COL13A1: variants seen among roughly 807,000 people sequenced by gnomAD.
COL13A1 encodes the protein collagen alpha-1(XIII) chain.
In COL13A1, 89 loss-of-function variants were observed where a neutral mutation model predicts 130.9. That is an observed-to-expected ratio of 0.68 (90% CI 0.57 to 0.81). COL13A1 has a LOEUF of 0.81. Among genes scored for constraint, COL13A1 ranks in the 30% least tolerant of loss-of-function variants. The pLI is 0.00. For synonymous variants in COL13A1, 402 were observed against 341.6 expected (o/e 1.18, Z -1.95); for missense variants, 879 against 934.6 (o/e 0.94, Z 0.78).
chr10:69,942,747 G>T (rs558001276), intron 35 of COL13A1, among the ~76,000 whole-genome samples: 6 of 152,206 alleles, frequency 3.9e-5, no homozygotes, highest in African/African-American at 1.4e-4. Flanking sequence ...CCGACACTCG[G>T]CAAGGCTAAG....
intron 1 of COL13A1, among the ~76,000 whole-genome samples, chr10:69,811,178 C>T (rs1191984251): frequency 6.6e-6 from 1 of 152,230 alleles, no homozygotes; most frequent in Non-Finnish European, 1.5e-5. Context: ...CCAGGCATTT[C>T]CCTCTGCCCA....
chr10:69,842,723 C>T (rs953325809), intron 2 of COL13A1, among the ~76,000 whole-genome samples: 2 of 152,220 alleles, frequency 1.3e-5, no homozygotes, highest in East Asian at 1.9e-4. Flanking sequence ...ATGCTGGCCT[C>T]AGTGTGCTGT....
At chr10:69,878,482 C>G (rs968697716) in intron 6 of COL13A1, among the ~76,000 whole-genome samples, 1 of 149,510 alleles carries the variant, frequency 6.7e-6, no homozygotes, top group African/African-American at 2.5e-5. Flanking sequence ...CTGAGAGCAA[C>G]ACTTCTTTTT....
chr10:69,889,341 A>G, intron 9 of COL13A1, 73 bp from the exon 10 acceptor site: 1 of 1,473,458 alleles, frequency 6.8e-7, no homozygotes, highest in South Asian at 1.2e-5. Context: ...GGCAGGGAGG[A>G]GCATGAAGGA....
At chr10:69,866,890 C>T (rs970358529) in intron 2 of COL13A1, among the ~76,000 whole-genome samples, 2 of 152,164 alleles carry the variant, frequency 1.3e-5, no homozygotes, top group Non-Finnish European at 2.9e-5. Context: ...GCTGAGTTAA[C>T]GTGGCCAGGG....
intron 1 of COL13A1, 51 bp downstream of exon 1, chr10:69,802,768 C>T (rs1840378498): frequency 1.2e-6 from 2 of 1,602,846 alleles, no homozygotes; most frequent in Non-Finnish European, 1.7e-6. Context: ...CGCCCCCTCG[C>T]GCAGCCTCCA....
intron 7 of COL13A1, among the ~76,000 whole-genome samples, chr10:69,883,089 C>T (rs1358652322): frequency 6.6e-6 from 1 of 152,226 alleles, no homozygotes; most frequent in Non-Finnish European, 1.5e-5. Context: ...TAGGGGCCAC[C>T]TGCCTCCCCT....
At chr10:69,892,805 C>T (rs946771473) in intron 10 of COL13A1, among the ~76,000 whole-genome samples, 2 of 152,202 alleles carry the variant, frequency 1.3e-5, no homozygotes, top group Non-Finnish European at 2.9e-5. Context: ...TGCTTGCTCT[C>T]TTAAGTATTG....
chr10:69,928,439 A>G (rs1439572124), intron 27 of COL13A1, among the ~76,000 whole-genome samples: 1 of 152,188 alleles, frequency 6.6e-6, no homozygotes, highest in Non-Finnish European at 1.5e-5. Context: ...CTAGAGCTTC[A>G]TGTAAATGGA....
chr10:69,851,157 G>A (rs7101050), intron 2 of COL13A1, among the ~76,000 whole-genome samples: 5,386 of 152,276 alleles, frequency 0.035, 307 homozygotes, highest in African/African-American at 0.12. Flanking sequence ...GCATTCCTGC[G>A]TATGCTTCAC....
Position 69,822,267 on chromosome 10 carries a change from G to C in COL13A1, c.295-102G>C, listed in dbSNP as rs1564758638. ...TCTTTGATCCAGGAAGAGTTCTGCC[G>C]GTTTCCCCCTCTTCCTGCCCTCCTC... On this transcript the variant is annotated intron_variant, in intron 1 of 40. Coordinates refer to ENST00000645393, the MANE Select transcript of COL13A1 (RefSeq NM_001368882.1). 9 of 807,130 alleles carry C rather than the reference G, an allele frequency of 1.1e-5. No individual in the cohort carries two copies. In the East Asian group the frequency reaches 2.9e-4, roughly 26 times the overall value. 50.0% of individuals were successfully genotyped at this position (807,130 alleles called of 1,614,324 possible).
At chr10:69,936,669 T>G in intron 32 of COL13A1, 87 bp from the exon 33 acceptor site, 1 of 1,541,802 alleles carries the variant, frequency 6.5e-7, no homozygotes, top group Non-Finnish European at 8.9e-7. Flanking sequence ...CCCAAAACCC[T>G]TGTTCTTCTG....
Position 69,930,252 on chromosome 10 carries a change from A to C in COL13A1, c.1531-148A>C, listed in dbSNP as rs1589597194. The C allele has an allele frequency of 5.7e-6, 6 of 1,044,528 alleles. No individual in the cohort carries two copies. In the South Asian group the frequency reaches 8.1e-5, roughly 14 times the overall value. 64.7% of individuals were successfully genotyped at this position (1,044,528 alleles called of 1,614,324 possible). ...AGGGGCCCACCCTGCAAGCCCCAGG[A>C]GGAGCCAGGCAGACCCAGGCTGGGC... On this transcript the variant is annotated intron_variant, in intron 29 of 40. Transcript: ENST00000645393.
At chr10:69,920,774 C>T (rs752982425) in intron 21 of COL13A1, among the ~76,000 whole-genome samples, 6 of 152,124 alleles carry the variant, frequency 3.9e-5, no homozygotes, top group African/African-American at 1.2e-4. Context: ...TTGTTATGGC[C>T]GCCTGAGCTG....
At chr10:69,827,384 A>C (rs1269721884) in intron 2 of COL13A1, among the ~76,000 whole-genome samples, 1 of 152,160 alleles carries the variant, frequency 6.6e-6, no homozygotes, top group Non-Finnish European at 1.5e-5. Context: ...TCAGCTTCTG[A>C]GGCTGTATCC....
At chr10:69,889,211 C>T (rs570580800) in intron 9 of COL13A1, among the ~76,000 whole-genome samples, 1 of 152,152 alleles carries the variant, frequency 6.6e-6, no homozygotes, top group Non-Finnish European at 1.5e-5. Context: ...TGAGGCCCAG[C>T]GAGGGGCAGT....
chr10:69,853,848 T>C (rs4746921), intron 2 of COL13A1, among the ~76,000 whole-genome samples: 14,229 of 152,252 alleles, frequency 0.093, 842 homozygotes, highest in African/African-American at 0.16. Flanking sequence ...AACGTAGGTA[T>C]GCGTGTGGAC....
At chr10:69,806,159 C>T (rs3108964) in intron 1 of COL13A1, among the ~76,000 whole-genome samples, 98,363 of 152,196 alleles carry the variant, frequency 0.65, 32,108 homozygotes, top group Non-Finnish European at 0.68. Context: ...CAGGGAGGGC[C>T]CTTAGGGATC....
At chr10:69,953,363 T>G (rs2069982629) in intron 39 of COL13A1, among the ~76,000 whole-genome samples, 1 of 152,216 alleles carries the variant, frequency 6.6e-6, no homozygotes, top group African/African-American at 2.4e-5. Flanking sequence ...GGGCCAGTAG[T>G]TCAAGCTGTC....
Sources: allele counts gnomAD v4.1 joint callset (sites outside exome capture counted in the v4.1 genomes callset), GRCh38; gene constraint gnomAD v4.1.1; transcripts MANE v1.5; gene names NCBI Gene and HGNC (gene_info 2026-07-23, HGNC 2026-07-21).